TMEM260: variants seen among roughly 807,000 people sequenced by gnomAD.
The protein encoded by TMEM260 is transmembrane protein 260.
Under a neutral mutation model 88.9 loss-of-function variants are expected in TMEM260, and 82 were observed. The ratio of observed to expected loss-of-function variants is 0.92; its 90% CI spans 0.77 to 1.11. The LOEUF is 1.11. TMEM260 is among the 50% of genes least tolerant of loss of function. The probability of loss-of-function intolerance (pLI) is 0.00; values close to 1 mark genes in which losing one functional copy is unlikely to be tolerated. For synonymous variants in TMEM260, 314 were observed against 309.3 expected, an observed-to-expected ratio of 1.02 and a Z score of -0.16; for missense variants, 902 against 853.4, an observed-to-expected ratio of 1.06 and a Z score of -0.71.
rs780372377 is a variant in TMEM260 at position 56,621,493 on chromosome 14, G to A, written c.1227-38G>A. 6 of 1,496,420 alleles carry A rather than the reference G, an allele frequency of 4.0e-6. No homozygotes were observed. The African/African-American group carries it at 6.9e-5, about 17-fold the overall frequency. 92.7% of individuals were successfully genotyped at this position (1,496,420 alleles called of 1,614,324 possible). A position where few individuals can be genotyped will look rare whatever the true frequency, so the allele number is the denominator to read the frequency against. ...CTAGTCTTATTAAAACTGTAGCAAAGTGTTGCTATTTTAATTTTTTTGGAT... is the reference window on the plus strand; with the variant it reads ...CTAGTCTTATTAAAACTGTAGCAAAATGTTGCTATTTTAATTTTTTTGGAT... On this transcript the variant is annotated intron_variant, in intron 10 of 15. Coordinates refer to ENST00000261556, the MANE Select transcript of TMEM260 (RefSeq NM_017799.4).
intron 9 of TMEM260, 47 bp from the exon 10 acceptor site, chr14:56,618,547 G>A (rs781683046): frequency 1.6e-5 from 25 of 1,572,394 alleles, no homozygotes; most frequent in Non-Finnish European, 2.1e-5. Context: ...CTGATTGATA[G>A]CATTAAATAG....
rs112648136 is a variant in TMEM260, at chr14:56,616,287, A to G, written c.941+260A>G. The G allele has an allele frequency of 2.3e-4, 72 of 316,230 alleles. 1 individual carries two copies. Among genetic ancestry groups the G allele is most frequent in the African/African-American group, 1.4e-3 (67 of 47,060 alleles). 19.6% of individuals were successfully genotyped at this position (316,230 alleles called of 1,614,324 possible). ...CCTAAACTTCAGGTTTGATCCCTTA[A>G]CTCTGCTATAACCGATTATTATTGC... On this transcript the variant is annotated intron_variant, in intron 8 of 15. Transcript: ENST00000261556.
At chr14:56,650,154 T>C (rs1226918958), downstream of TMEM260, 1 of 446,674 alleles carries the variant, frequency 2.2e-6, no homozygotes, top group Non-Finnish European at 4.5e-6. Flanking sequence ...GGAGGTGACT[T>C]CTCATGCAAG....
chr14:56,636,336 G>A (rs994655880), intron 14 of TMEM260, among the ~76,000 whole-genome samples, 172 bp from the exon 15 acceptor site: 2 of 152,082 alleles, frequency 1.3e-5, no homozygotes, highest in African/African-American at 4.8e-5. Context: ...TGGGTGGGTG[G>A]AGGGATTGTT....
intron 1 of TMEM260, among the ~76,000 whole-genome samples, chr14:56,583,940 G>A (rs1397125667): frequency 6.6e-6 from 1 of 152,062 alleles, no homozygotes; most frequent in Non-Finnish European, 1.5e-5. Context: ...CGTTCAGTAA[G>A]CAGAGAGCAG....
intron 1 of TMEM260, among the ~76,000 whole-genome samples, chr14:56,581,750 G>A (rs1334539440): frequency 6.6e-6 from 1 of 152,148 alleles, no homozygotes; most frequent in African/African-American, 2.4e-5. Flanking sequence ...GCTAAGCTAT[G>A]CCCAAAGTCA....
chr14:56,633,872 TTATA>T (rs954853994), intron 13 of TMEM260, among the ~76,000 whole-genome samples: 2 of 152,248 alleles, frequency 1.3e-5, no homozygotes, highest in African/African-American at 4.8e-5. Context: ...TATTTAAAGA[TTATA>T]TAACCTATTG....
At chr14:56,653,925 G>A (rs1027871624), downstream of TMEM260, among the ~76,000 whole-genome samples, 1 of 151,966 alleles carries the variant, frequency 6.6e-6, no homozygotes, top group African/African-American at 2.4e-5. Flanking sequence ...GGCTCAACCT[G>A]GTACAGTTTC....
intron 12 of TMEM260, among the ~76,000 whole-genome samples, chr14:56,632,128 C>T (rs1947708529): frequency 6.6e-6 from 1 of 152,156 alleles, no homozygotes; most frequent in South Asian, 2.1e-4. Flanking sequence ...GCTGAGGATA[C>T]AACTTTATGG....
chr14:56,633,175 T>C lies in TMEM260; in HGVS notation c.1724+4T>C, dbSNP rs1331416165. The C allele has an allele frequency of 2.5e-6, 4 of 1,605,686 alleles. No individual in the cohort carries two copies. The African/African-American group carries it at 5.4e-5, about 22-fold the overall frequency. ...ACTGGACCGAAGAATATGGAAGGTA[T>C]GAACAGCAGTTGTATTTTGATGCAT... On this transcript the variant is annotated splice_donor_region_variant and intron_variant, in intron 13 of 15. Coordinates refer to ENST00000261556, the MANE Select transcript of TMEM260 (RefSeq NM_017799.4).
chr14:56,617,374 A>G, intron 9 of TMEM260, 77 bp downstream of exon 9: 1 of 857,072 alleles, frequency 1.2e-6, no homozygotes, highest in Non-Finnish European at 1.8e-6. Context: ...TAAATCTTGT[A>G]GAAGGGCAAA....
chr14:56,606,121 C>G (rs1176481556), intron 5 of TMEM260, among the ~76,000 whole-genome samples: 3 of 152,094 alleles, frequency 2.0e-5, no homozygotes, highest in African/African-American at 7.2e-5. Flanking sequence ...CTATTGTGAA[C>G]TAAATAATAA....
intron 6 of TMEM260, among the ~76,000 whole-genome samples, chr14:56,610,432 C>T (rs1301671568): frequency 1.3e-5 from 2 of 151,896 alleles, no homozygotes; most frequent in African/African-American, 2.4e-5. Flanking sequence ...TTAGTAGAGA[C>T]GGGGTTTCAC....
chr14:56,657,733 C>A, the TMEM260 span, among the ~76,000 whole-genome samples: 5 of 152,194 alleles, frequency 3.3e-5, no homozygotes, highest in African/African-American at 1.2e-4. Context: ...ACAAGTTTCC[C>A]ACCTGTTGAG....
At chr14:56,618,361 T>A (rs531662882) in intron 9 of TMEM260, among the ~76,000 whole-genome samples, 4 of 152,114 alleles carry the variant, frequency 2.6e-5, no homozygotes, top group Non-Finnish European at 5.9e-5. Context: ...AGTATTGAAA[T>A]GAATGTGTGG....
intron 1 of TMEM260, among the ~76,000 whole-genome samples, chr14:56,581,938 A>G (rs1032457496): frequency 6.6e-6 from 1 of 152,114 alleles, no homozygotes; most frequent in Non-Finnish European, 1.5e-5. Context: ...TTAATACTGT[A>G]TTTTATTTTT....
rs1884978474 is a variant in TMEM260, at chr14:56,579,828, G to A, written c.-87G>A. 15 of 1,185,748 alleles carry A rather than the reference G, an allele frequency of 1.3e-5. No homozygotes were observed. The highest frequency in any genetic ancestry group is 4.7e-5 in the African/African-American group (3 of 63,266). 73.5% of individuals were successfully genotyped at this position (1,185,748 alleles called of 1,614,324 possible). On this transcript the variant is annotated 5_prime_UTR_variant, in exon 1 of 16. Coordinates refer to ENST00000261556, the MANE Select transcript of TMEM260 (RefSeq NM_017799.4). ...GGAAGCCGCCGTGGCCGCCGCACAA[G>A]CTGCGCTCGTCTCTCGGCTGGGGAG...
At chr14:56,602,907 A>G (rs995106597) in intron 3 of TMEM260, among the ~76,000 whole-genome samples, 1 of 152,192 alleles carries the variant, frequency 6.6e-6, no homozygotes. Context: ...GAGCTATAGA[A>G]TATGATAATT....
At chr14:56,631,881 C>G (rs1302189680) in intron 12 of TMEM260, among the ~76,000 whole-genome samples, 1 of 152,142 alleles carries the variant, frequency 6.6e-6, no homozygotes, top group Non-Finnish European at 1.5e-5. Context: ...TGACCAGTTA[C>G]TATTTTAGAG....
Sources: gnomAD v4.1 joint callset for allele counts (sites outside exome capture counted in the v4.1 genomes callset) on GRCh38, gnomAD v4.1.1 for gene constraint, MANE v1.5 for transcripts, NCBI Gene and HGNC (gene_info 2026-07-23, HGNC 2026-07-21) for gene names.